Variants in ADGRF5 observed in about 807,000 individuals in gnomAD.
The protein encoded by ADGRF5 is adhesion G protein-coupled receptor F5.
Under a neutral mutation model 132.3 loss-of-function variants are expected in ADGRF5, and 75 were observed. The observed-to-expected ratio is 0.57, with a 90% CI of 0.47 to 0.69. ADGRF5 has a LOEUF of 0.69. Among genes scored for constraint, ADGRF5 ranks in the 30% least tolerant of loss-of-function variants. The pLI is 0.00. For synonymous variants in ADGRF5, 629 were observed against 597.6 expected (o/e 1.05, Z -0.77); for missense variants, 1,516 against 1,630.6 (o/e 0.93, Z 1.21).
chr6:46,933,265 G>A (rs1011646056), intron 1 of ADGRF5, among the ~76,000 whole-genome samples: 2 of 152,144 alleles, frequency 1.3e-5, no homozygotes, highest in South Asian at 2.1e-4. Flanking sequence ...GTAGTGAATC[G>A]TTTTTAAAGA....
Position 46,884,244 on chromosome 6 carries a change from C to T in ADGRF5, c.356G>A (p.Trp119Ter). Residue 119 changes from tryptophan to a stop codon, truncating the protein, a stop_gained, in exon 5 of 21, where the codon TGG becomes TAG. Coordinates refer to ENST00000283296, the MANE Select transcript of ADGRF5 (RefSeq NM_001098518.2). LOFTEE classifies it high-confidence loss of function. Reference protein sequence around the residue: ...TVCRPAGNEIWCSCETGYGWP... With the variant: ...TVCRPAGNEI ...CCCATAACCTGTCTCGCAGGAGCAC[C>T]AGATTTCATTTCCAGCAGGTCTGCA... The T allele has an allele frequency of 6.2e-7, 1 of 1,613,848 alleles. No individual in the cohort carries two copies. The highest frequency in any genetic ancestry group is 8.5e-7 in the Non-Finnish European group (1 of 1,179,778).
chr6:46,875,869 G>A (rs779152696), intron 10 of ADGRF5, among the ~76,000 whole-genome samples: 27 of 152,174 alleles, frequency 1.8e-4, no homozygotes, highest in African/African-American at 5.6e-4. Flanking sequence ...TTGTGATTGC[G>A]TTGATACCCT....
At chr6:46,938,368 C>A (rs1256835427) in intron 1 of ADGRF5, among the ~76,000 whole-genome samples, 1 of 152,166 alleles carries the variant, frequency 6.6e-6, no homozygotes, top group African/African-American at 2.4e-5. Context: ...CTTTGACTGG[C>A]AAATAGCACT....
At chr6:46,931,249 G>A (rs1013795929) in intron 1 of ADGRF5, among the ~76,000 whole-genome samples, 6 of 151,972 alleles carry the variant, frequency 3.9e-5, no homozygotes, top group East Asian at 1.9e-4. Flanking sequence ...TTGACATTAC[G>A]TCTTTCTCTT....
chr6:46,884,413 C>A, intron 4 of ADGRF5, 142 bp from the exon 5 acceptor site: 1 of 627,424 alleles, frequency 1.6e-6, no homozygotes, highest in Non-Finnish European at 2.8e-6. Context: ...AATAGCACTG[C>A]ATAAAATTGA....
At chr6:46,913,278 A>G (rs1776127597) in intron 1 of ADGRF5, among the ~76,000 whole-genome samples, 1 of 152,106 alleles carries the variant, frequency 6.6e-6, no homozygotes, top group Admixed American at 6.6e-5. Context: ...GGGGCGGATC[A>G]CCAGATGTCT....
At chr6:46,860,924 A>T (rs1342945504) in intron 15 of ADGRF5, 30 bp from the exon 16 acceptor site, 3 of 1,555,540 alleles carry the variant, frequency 1.9e-6, no homozygotes, top group Non-Finnish European at 2.6e-6. Context: ...CACAAAAAAA[A>T]ATTTACCAAT....
intron 1 of ADGRF5, among the ~76,000 whole-genome samples, chr6:46,941,411 G>GAAAAGAAAAGAAAAGAAAAGAA (rs1778057168): frequency 1.2e-4 from 4 of 33,260 alleles, no homozygotes; most frequent in African/African-American, 5.5e-4. Flanking sequence ...GAAAAGAAAA[G>GAAAAGAAAAGAAAAGAAAAGAA]AAAAGAAAAG....
At chr6:46,915,368 C>G (rs1776339775) in intron 1 of ADGRF5, among the ~76,000 whole-genome samples, 1 of 152,070 alleles carries the variant, frequency 6.6e-6, no homozygotes. Flanking sequence ...GCCTGGGGGT[C>G]TCCTGCTGGG....
intron 2 of ADGRF5, among the ~76,000 whole-genome samples, chr6:46,902,864 C>A (rs142977096): frequency 2.0e-5 from 3 of 152,260 alleles, no homozygotes; most frequent in South Asian, 4.2e-4. Flanking sequence ...TTGGCCATCC[C>A]CAGATTCAAG....
intron 3 of ADGRF5, among the ~76,000 whole-genome samples, chr6:46,896,507 A>G (rs1324624648): frequency 6.6e-6 from 1 of 152,156 alleles, no homozygotes; most frequent in African/African-American, 2.4e-5. Flanking sequence ...ACACTATTTT[A>G]TAAATAAATC....
chr6:46,919,764 C>G (rs1440285103), intron 1 of ADGRF5, among the ~76,000 whole-genome samples: 2 of 152,286 alleles, frequency 1.3e-5, no homozygotes, highest in Admixed American at 1.3e-4. Context: ...TCAGCAAGGC[C>G]TAGTGGCTCT....
At chr6:46,950,123 C>T (rs1024910566) in intron 1 of ADGRF5, among the ~76,000 whole-genome samples, 1 of 152,168 alleles carries the variant, frequency 6.6e-6, no homozygotes. Context: ...GGTCATCACC[C>T]GGACTCCACC....
chr6:46,906,680 T>G lies in ADGRF5; in HGVS notation c.83A>C (p.Glu28Ala). ...SSKAALNWNY[E>A]STIHPLSLHE... ...ACTCACCAAAGGATGAATAGTAGAC[T>G]CGTAATTCCAGTTCAGTGCAGCTTT... is the stretch of plus-strand genomic sequence containing the variant. Residue 28 changes from glutamate to alanine, a missense_variant, in exon 2 of 21, where the codon GAG becomes GCG. Transcript: ENST00000283296. 6.4e-7 allele frequency: 1 copy of G among 1,567,758 alleles called. No homozygotes were observed. Among genetic ancestry groups the G allele is most frequent in the Non-Finnish European group, 8.8e-7 (1 of 1,137,878 alleles).
intron 1 of ADGRF5, among the ~76,000 whole-genome samples, chr6:46,920,445 C>T (rs1397599186): frequency 2.1e-5 from 3 of 145,792 alleles, no homozygotes; most frequent in East Asian, 2.0e-4. Context: ...TCCTGTGCCC[C>T]GGCTTGTCCT....
chr6:46,912,394 GA>G (rs958605245), intron 1 of ADGRF5, among the ~76,000 whole-genome samples: 28 of 152,220 alleles, frequency 1.8e-4, no homozygotes, highest in African/African-American at 6.7e-4. Context: ...AAGATCATGT[GA>G]AAAGGCCCTG....
At chr6:46,863,251 C>G (rs1232303420) in intron 14 of ADGRF5, 155 bp from the exon 15 acceptor site, 1 of 715,178 alleles carries the variant, frequency 1.4e-6, no homozygotes, top group Non-Finnish European at 2.5e-6. Context: ...TAATTTTGCC[C>G]TTGATTTTCC....
In ADGRF5 at chr6:46,884,090, C is replaced by T; in HGVS notation, c.505+5G>A. 1 of 1,612,172 alleles carries T rather than the reference C, an allele frequency of 6.2e-7. No individual in the cohort carries two copies. Among genetic ancestry groups the T allele is most frequent in the Non-Finnish European group, 8.5e-7 (1 of 1,178,480 alleles). ...TCAACGAGCATTTAATGAGCAGTTA[C>T]TTACCTTCCTGAAGCAGGCAAAAAG... On this transcript the variant is annotated splice_donor_5th_base_variant and intron_variant, in intron 5 of 20. Transcript: ENST00000283296.
Position 46,858,260 on chromosome 6 carries a change from A to G in ADGRF5, c.3643T>C (p.Phe1215Leu), listed in dbSNP as rs1769284175. The change falls in exon 17 of 21, where the codon TTT (phenylalanine) becomes CTT (leucine). Residue 1215 changes from phenylalanine (F) to leucine (L), a missense_variant. Physicochemically the swap from Phe to Leu is conservative, Grantham distance 22. Transcript: ENST00000283296. ...ACCCCAATGCTCTTGCTGATCTGAA[A>G]CAGGCTGCTCTTCTCCTGCTTGCAT... ...KPCKQEKSSL[F>L]QISKSIGVLT... 6.2e-7 allele frequency: 1 copy of G among 1,613,976 alleles called. No homozygotes were observed. The highest frequency in any genetic ancestry group is 2.2e-5 in the East Asian group (1 of 44,850).
Sources: gnomAD v4.1 joint callset for allele counts (sites outside exome capture counted in the v4.1 genomes callset) on GRCh38, gnomAD v4.1.1 for gene constraint, MANE v1.5 for transcripts, NCBI Gene and HGNC (gene_info 2026-07-23, HGNC 2026-07-21) for gene names.